The following RBPMS variants were observed in gnomAD, a reference collection of about 807,000 sequenced individuals.
RBPMS encodes RNA binding protein, mRNA processing factor.
RBPMS carries 7 observed loss-of-function variants against 26.8 expected under a neutral mutation model. The observed-to-expected ratio is 0.26, with a 90% CI of 0.15 to 0.49. RBPMS has a LOEUF of 0.49. Among genes scored for constraint, RBPMS ranks in the 20% least tolerant of loss-of-function variants. The pLI is 0.98. For synonymous variants in RBPMS, 96 were observed against 93.3 expected (o/e 1.03, Z -0.17); for missense variants, 186 against 250.0 (o/e 0.74, Z 1.73).
chr8:30,532,376 TCCTTA>T (rs1824315909), intron 5 of RBPMS, among the ~76,000 whole-genome samples: 1 of 152,358 alleles, frequency 6.6e-6, no homozygotes, highest in South Asian at 2.1e-4. Flanking sequence ...CAGATTGTAT[TCCTTA>T]CCTTTTTTCC....
At chr8:30,561,829 T>C (rs775925029) in intron 7 of RBPMS, 23 of 983,436 alleles carry the variant, frequency 2.3e-5, no homozygotes, top group Non-Finnish European at 2.8e-5. Flanking sequence ...TAAGAATTTA[T>C]GTAGGCCACA....
intron 1 of RBPMS, among the ~76,000 whole-genome samples, chr8:30,417,729 C>T (rs183825075): frequency 4.1e-5 from 6 of 147,362 alleles, no homozygotes; most frequent in African/African-American, 1.1e-4. Context: ...TTTAACTTGA[C>T]GTTAAAGTTT....
chr8:30,548,961 G>A (rs1414305874), intron 6 of RBPMS, among the ~76,000 whole-genome samples: 3 of 152,244 alleles, frequency 2.0e-5, no homozygotes, highest in Non-Finnish European at 4.4e-5. Flanking sequence ...GGGGTGTCTC[G>A]AGGGCAGTGC....
rs545453015 is a variant in RBPMS at position 30,408,492 on chromosome 8, A to G, written c.66+23334A>G. Among the ~76,000 whole-genome samples, 6 of 152,240 alleles carry G rather than the reference A, an allele frequency of 3.9e-5. No homozygotes were observed. The South Asian group carries it at 1.0e-3, about 26-fold the overall frequency. On this transcript the variant is annotated intron_variant, in intron 1 of 8. Transcript: ENST00000397323. ...TGCAGTGGGCCAAAATCATACCACT[A>G]CATTCCAGCCTGGGCAACAGAACGA...
chr8:30,458,577 AAAAAAC>A (rs995340957), intron 1 of RBPMS, among the ~76,000 whole-genome samples: 7 of 152,166 alleles, frequency 4.6e-5, no homozygotes, highest in African/African-American at 1.7e-4. Flanking sequence ...AAAAAAAAAC[AAAAAAC>A]AAAAACAAAT....
At chr8:30,497,923 C>G (rs558299573) in intron 4 of RBPMS, among the ~76,000 whole-genome samples, 37 of 151,800 alleles carry the variant, frequency 2.4e-4, no homozygotes, top group Non-Finnish European at 4.3e-4. Flanking sequence ...AGCCCGGCCA[C>G]AAGGTCACAG....
intron 5 of RBPMS, chr8:30,537,783 G>A (rs1585806545): frequency 5.3e-6 from 2 of 374,318 alleles, no homozygotes; most frequent in East Asian, 1.5e-4. Flanking sequence ...AATGTGGTCA[G>A]TAAACACGAG....
chr8:30,385,461 T>C (rs1295410533), intron 1 of RBPMS: 2 of 265,772 alleles, frequency 7.5e-6, no homozygotes, highest in Non-Finnish European at 1.4e-5. Flanking sequence ...CTGGGTGACC[T>C]CAGATAATCG....
At chr8:30,475,490 A>G (rs1585592110) in intron 2 of RBPMS, among the ~76,000 whole-genome samples, 1 of 152,190 alleles carries the variant, frequency 6.6e-6, no homozygotes, top group African/African-American at 2.4e-5. Context: ...TGGAAGGGAT[A>G]TGTTCCTTCT....
intron 1 of RBPMS, among the ~76,000 whole-genome samples, chr8:30,387,908 A>G (rs1422455584): frequency 6.6e-6 from 1 of 152,166 alleles, no homozygotes; most frequent in Admixed American, 6.5e-5. Flanking sequence ...TTCAGGATCT[A>G]GGAGTATTTT....
At chr8:30,563,016 A>G (rs1827625197) in intron 7 of RBPMS, among the ~76,000 whole-genome samples, 1 of 152,238 alleles carries the variant, frequency 6.6e-6, no homozygotes, top group Non-Finnish European at 1.5e-5. Flanking sequence ...TGTGCCCCTC[A>G]GGAGCTTAAG....
intron 4 of RBPMS, 84 bp from the exon 5 acceptor site, chr8:30,504,202 T>A: frequency 7.0e-7 from 1 of 1,422,938 alleles, no homozygotes; most frequent in Non-Finnish European, 9.9e-7. Flanking sequence ...TAGACCAGGG[T>A]TTACTGGTGT....
intron 7 of RBPMS, among the ~76,000 whole-genome samples, chr8:30,562,771 T>C (rs1827605335): frequency 6.8e-6 from 1 of 147,618 alleles, no homozygotes; most frequent in Non-Finnish European, 1.5e-5. Context: ...CTTCCCCATC[T>C]TGCTTTCCCA....
Position 30,559,039 on chromosome 8 carries a change from C to T in RBPMS, c.*7+83C>T, listed in dbSNP as rs898492942. On this transcript the variant is annotated intron_variant, in intron 7 of 8. Transcript: ENST00000397323. ...TGGGTGCGCCATGAACGCAGCTCTC[C>T]TCCTTTCTCTGCACCCACACCTTAT... 5 of 1,125,278 alleles carry T rather than the reference C, an allele frequency of 4.4e-6. No individual in the cohort carries two copies. In the African/African-American group the frequency reaches 7.7e-5, roughly 17 times the overall value. The allele number at this position is 1,125,278 out of a possible 1,614,324, so 69.7% of individuals were successfully genotyped here. A position where few individuals can be genotyped will look rare whatever the true frequency, so the allele number is the denominator to read the frequency against.
chr8:30,471,667 G>A (rs1191363999), intron 1 of RBPMS, among the ~76,000 whole-genome samples: 1 of 152,210 alleles, frequency 6.6e-6, no homozygotes, highest in Non-Finnish European at 1.5e-5. Flanking sequence ...GAACAGCCAA[G>A]TGGAATAGAT....
At chr8:30,537,490 A>G (rs1303705090) in intron 5 of RBPMS, 2 of 451,506 alleles carry the variant, frequency 4.4e-6, no homozygotes, top group Non-Finnish European at 8.9e-6. Context: ...CTGGCTGAGA[A>G]CCCGCATTTG....
Position 30,385,010 on chromosome 8 carries a change from G to T in RBPMS, c.-83G>T. On this transcript the variant is annotated 5_prime_UTR_variant, in exon 1 of 9. Transcript: ENST00000397323. ...CCCGCCCGAGGGAGCCCCGGCGCCC[G>T]GGGAAGGCTCCAGTGGGCTAGCGCG... The T allele has an allele frequency of 4.4e-6, 5 of 1,143,778 alleles. No individual in the cohort carries two copies. The highest frequency in any genetic ancestry group is 5.8e-6 in the Non-Finnish European group (5 of 859,336). The allele number at this position is 1,143,778 out of a possible 1,614,324, so 70.9% of individuals were successfully genotyped here.
At chr8:30,492,698 C>T (rs981865112) in intron 4 of RBPMS, among the ~76,000 whole-genome samples, 10 of 152,262 alleles carry the variant, frequency 6.6e-5, no homozygotes, top group African/African-American at 2.4e-4. Flanking sequence ...AATGAATTTG[C>T]ACATAAACCC....
intron 5 of RBPMS, among the ~76,000 whole-genome samples, chr8:30,516,760 G>A (rs878889901): frequency 1.3e-5 from 2 of 152,104 alleles, no homozygotes; most frequent in Non-Finnish European, 2.9e-5. Flanking sequence ...CAGGTATAGT[G>A]GCATACGCCT....
Sources: allele counts gnomAD v4.1 joint callset (sites outside exome capture counted in the v4.1 genomes callset), GRCh38; gene constraint gnomAD v4.1.1; transcripts MANE v1.5; gene names NCBI Gene and HGNC (gene_info 2026-07-23, HGNC 2026-07-21).